Variants in CACNA2D3 observed in about 807,000 individuals in gnomAD.
The protein encoded by CACNA2D3 is calcium voltage-gated channel auxiliary subunit alpha2delta 3.
In CACNA2D3, 60 loss-of-function variants were observed where a neutral mutation model predicts 160.6. The observed-to-expected ratio is 0.37, with a 90% confidence interval of 0.30 to 0.46. The LOEUF is 0.46. Ranked by LOEUF, CACNA2D3 falls within the 20% of genes least tolerant of loss-of-function variation. The pLI is 1.00. For synonymous variants in CACNA2D3, 558 were observed against 492.9 expected (o/e 1.13, Z -1.75); for missense variants, 1,205 against 1,365.0 (o/e 0.88, Z 1.85).
chr3:54,392,983 A>G (rs931759165), intron 4 of CACNA2D3, among the ~76,000 whole-genome samples: 1 of 152,344 alleles, frequency 6.6e-6, no homozygotes, highest in Non-Finnish European at 1.5e-5. Flanking sequence ...CTGCAAAGAC[A>G]GCCAAAGCAA....
At chr3:55,004,932 T>A in intron 32 of CACNA2D3, 94 bp downstream of exon 32, 1 of 842,016 alleles carries the variant, frequency 1.2e-6, no homozygotes, top group Non-Finnish European at 1.9e-6. Context: ...ATCAAGTTTA[T>A]CTTTTTGCAA....
intron 11 of CACNA2D3, among the ~76,000 whole-genome samples, chr3:54,686,330 C>A (rs1348019997): frequency 6.6e-6 from 1 of 152,218 alleles, no homozygotes; most frequent in African/African-American, 2.4e-5. Context: ...CCTGAACTAA[C>A]AACCTCTTCA....
At chr3:55,025,206 A>G (rs1703541149) in intron 35 of CACNA2D3, among the ~76,000 whole-genome samples, 1 of 152,208 alleles carries the variant, frequency 6.6e-6, no homozygotes, top group African/African-American at 2.4e-5. Context: ...CAGTTGGATT[A>G]AAGAAAGTGA....
intron 27 of CACNA2D3, among the ~76,000 whole-genome samples, chr3:54,946,674 A>G (rs1022081191): frequency 7.9e-5 from 12 of 152,174 alleles, no homozygotes; most frequent in Non-Finnish European, 1.2e-4. Context: ...GGGGGGAGCT[A>G]GCATTTTGGC....
chr3:54,203,277 G>A (rs1701210087), intron 2 of CACNA2D3, among the ~76,000 whole-genome samples: 1 of 152,190 alleles, frequency 6.6e-6, no homozygotes, highest in Non-Finnish European at 1.5e-5. Flanking sequence ...CGATGGGGGT[G>A]TGGCTCGCTT....
intron 4 of CACNA2D3, among the ~76,000 whole-genome samples, chr3:54,453,599 T>C (rs886339302): frequency 6.6e-6 from 1 of 152,156 alleles, no homozygotes; most frequent in East Asian, 1.9e-4. Context: ...AGTGAAATAT[T>C]CATGGGTAGT....
chr3:54,735,584 G>A (rs1289846651), intron 11 of CACNA2D3, among the ~76,000 whole-genome samples: 3 of 152,086 alleles, frequency 2.0e-5, no homozygotes, highest in Non-Finnish European at 4.4e-5. Flanking sequence ...ATTTTCAGTA[G>A]AACATCTTTA....
At chr3:55,071,930 G>A (rs1237377258) in intron 35 of CACNA2D3, among the ~76,000 whole-genome samples, 1 of 152,182 alleles carries the variant, frequency 6.6e-6, no homozygotes, top group Non-Finnish European at 1.5e-5. Flanking sequence ...GGTGGAAATT[G>A]TTGGTTCTCT....
At chr3:54,321,797 A>G (rs1226903445) in intron 3 of CACNA2D3, among the ~76,000 whole-genome samples, 1 of 152,034 alleles carries the variant, frequency 6.6e-6, no homozygotes, top group Non-Finnish European at 1.5e-5. Flanking sequence ...GACAGTTCAG[A>G]GGCTCAGAAG....
intron 3 of CACNA2D3, among the ~76,000 whole-genome samples, chr3:54,336,720 G>T (rs561032744): frequency 6.6e-6 from 1 of 152,272 alleles, no homozygotes; most frequent in South Asian, 2.1e-4. Flanking sequence ...CCATCATTAG[G>T]GAAAGGGACA....
At chr3:54,702,995 C>A (rs1222068901) in intron 11 of CACNA2D3, among the ~76,000 whole-genome samples, 1 of 152,138 alleles carries the variant, frequency 6.6e-6, no homozygotes, top group East Asian at 1.9e-4. Flanking sequence ...CCAAATCCTA[C>A]ATGTTTTCAT....
intron 31 of CACNA2D3, among the ~76,000 whole-genome samples, chr3:55,003,788 C>T (rs971551520): frequency 2.0e-5 from 3 of 152,118 alleles, no homozygotes; most frequent in African/African-American, 4.8e-5. Flanking sequence ...GAATTGTAAT[C>T]TTCTCTTCTC....
At chr3:54,632,951 T>C (rs1699275784) in intron 10 of CACNA2D3, 1 of 152,270 alleles carries the variant, frequency 6.6e-6, no homozygotes, top group Non-Finnish European at 1.5e-5. Flanking sequence ...CAGGTGTTTC[T>C]ACCTACTAAC....
intron 13 of CACNA2D3, among the ~76,000 whole-genome samples, chr3:54,769,947 A>T (rs1702289435): frequency 6.6e-6 from 1 of 152,140 alleles, no homozygotes; most frequent in African/African-American, 2.4e-5. Context: ...CCCAGAAAAC[A>T]CTGGGATTGT....
At chr3:54,979,769 A>T (rs1702467964) in intron 29 of CACNA2D3, among the ~76,000 whole-genome samples, 1 of 152,174 alleles carries the variant, frequency 6.6e-6, no homozygotes, top group African/African-American at 2.4e-5. Context: ...CTCCAACATT[A>T]TCAGAAATCT....
chr3:54,137,061 T>C (rs78871604), intron 2 of CACNA2D3, among the ~76,000 whole-genome samples: 4 of 152,196 alleles, frequency 2.6e-5, no homozygotes, highest in Non-Finnish European at 5.9e-5. Flanking sequence ...CCCTCTGTGA[T>C]TTTTTTACAA....
intron 2 of CACNA2D3, among the ~76,000 whole-genome samples, chr3:54,181,475 T>A (rs1700781278): frequency 6.6e-6 from 1 of 152,212 alleles, no homozygotes; most frequent in Non-Finnish European, 1.5e-5. Context: ...AAGGAGACAT[T>A]ACGAATTATT....
At chr3:54,526,772 C>T (rs1701729728) in intron 5 of CACNA2D3, among the ~76,000 whole-genome samples, 1 of 152,166 alleles carries the variant, frequency 6.6e-6, no homozygotes, top group East Asian at 1.9e-4. Flanking sequence ...CTCACTGCAA[C>T]CTCCACCTCC....
At chr3:54,386,336 G>A (rs1185456027) in intron 3 of CACNA2D3, among the ~76,000 whole-genome samples, 2 of 152,126 alleles carry the variant, frequency 1.3e-5, no homozygotes, top group Non-Finnish European at 2.9e-5. Flanking sequence ...CTTAAAGTTG[G>A]ACTCAATTCA....
Sources: allele counts gnomAD v4.1 joint callset (sites outside exome capture counted in the v4.1 genomes callset), GRCh38; gene constraint gnomAD v4.1.1; transcripts MANE v1.5; gene names NCBI Gene and HGNC (gene_info 2026-07-23, HGNC 2026-07-21).